Variants in ETV6 observed in about 807,000 individuals in gnomAD.
ETV6 encodes the protein ETS variant transcription factor 6.
A neutral mutation model predicts 51.1 loss-of-function variants in ETV6; 16 were observed. The ratio of observed to expected loss-of-function variants is 0.31; its 90% CI spans 0.21 to 0.48. The LOEUF is 0.48. Ranked by LOEUF, ETV6 falls within the 20% of genes least tolerant of loss-of-function variation. The probability of loss-of-function intolerance (pLI) is 0.99; values close to 1 mark genes in which losing one functional copy is unlikely to be tolerated. For missense variants in ETV6, 458 were observed against 594.8 expected, an observed-to-expected ratio of 0.77 and a Z score of 2.39; for synonymous variants, 240 against 224.1, an observed-to-expected ratio of 1.07 and a Z score of -0.64.
At position 11,752,457 on chromosome 12, in the gene ETV6, G is replaced by T. The variant is rs781494988; in HGVS notation, c.41G>T (p.Arg14Leu). The change falls in exon 2 of 8, where the codon CGA becomes CTA. Residue 14 changes from arginine to leucine, a missense_variant. Coordinates refer to ENST00000396373, the MANE Select transcript of ETV6 (RefSeq NM_001987.5). ...TGCCCTTATTTTTAACAGCAGGAAC[G>T]AATTTCATATACACCTCCAGAGAGC... is the stretch of plus-strand genomic sequence containing the variant. The part of the protein sequence containing the change: ...TPAQCSIKQE[R>L]ISYTPPESPV... 1 of 1,609,808 alleles carries T rather than the reference G, an allele frequency of 6.2e-7. No homozygotes were observed.
intron 1 of ETV6, among the ~76,000 whole-genome samples, chr12:11,669,356 G>GTCGTCCCT (rs1864260346): frequency 8.5e-6 from 1 of 116,962 alleles, no homozygotes; most frequent in Non-Finnish European, 1.6e-5. Context: ...CCGTCCTCCT[G>GTCGTCCCT]TCCTCCCTTC....
intron 1 of ETV6, among the ~76,000 whole-genome samples, chr12:11,663,443 T>TGTGGC (rs1864136740): frequency 6.6e-6 from 1 of 152,244 alleles, no homozygotes; most frequent in Non-Finnish European, 1.5e-5. Flanking sequence ...TGTTTGCATA[T>TGTGGC]ATGCCACATG....
At chr12:11,834,017 G>A (rs992013757) in intron 2 of ETV6, among the ~76,000 whole-genome samples, 24 of 152,306 alleles carry the variant, frequency 1.6e-4, no homozygotes, top group Admixed American at 4.6e-4. Flanking sequence ...AAAAATGCTA[G>A]TCCTGTTCCT....
rs547786286 is a variant in ETV6 at position 11,883,276 on chromosome 12, C to CTTTTTTTTTTTTTTTT, written c.1010-1149_1010-1134dup. ...GGGAAGGTGTACATCATGTCTTCTTCTTTTTTTTTTTTTTTTTTTTTTTTT... is the reference window on the plus strand; with the variant it reads ...GGGAAGGTGTACATCATGTCTTCTTCTTTTTTTTTTTTTTTTTTTTTTTTTTTTTTTTTTTTTTTTT... On this transcript the variant is annotated intron_variant, in intron 5 of 7. Transcript: ENST00000396373. Among the ~76,000 whole-genome samples, 5 of 79,114 alleles carry CTTTTTTTTTTTTTTTT rather than the reference C, an allele frequency of 6.3e-5. 1 individual carries two copies. In the East Asian group the frequency reaches 1.2e-3, roughly 18 times the overall value. 51.9% of individuals were successfully genotyped at this position (79,114 alleles called of 152,430 possible). A position where few individuals can be genotyped will look rare whatever the true frequency, so the allele number is the denominator to read the frequency against.
At position 11,891,406 on chromosome 12, in the gene ETV6, G is replaced by A. The variant is rs904366744; in HGVS notation, c.*360G>A. ...AGAACCTGCAGTTTGACTCTTCATC[G>A]TTCATCTAGGGGAAGACATCTGATG... On this transcript the variant is annotated 3_prime_UTR_variant, in exon 8 of 8. Transcript: ENST00000396373. The A allele has an allele frequency of 2.6e-5, 9 of 339,672 alleles. No individual in the cohort carries two copies. Among genetic ancestry groups the A allele is most frequent in the African/African-American group, 6.3e-5 (3 of 47,246 alleles). The allele number at this position is 339,672 out of a possible 1,614,324, so 21.0% of individuals were successfully genotyped here. A position where few individuals can be genotyped will look rare whatever the true frequency, so the allele number is the denominator to read the frequency against.
chr12:11,826,738 T>C (rs1946158594), intron 2 of ETV6, among the ~76,000 whole-genome samples: 1 of 152,166 alleles, frequency 6.6e-6, no homozygotes, highest in African/African-American at 2.4e-5. Context: ...AAAAGTGTTC[T>C]GCAGCAAGGG....
intron 2 of ETV6, among the ~76,000 whole-genome samples, chr12:11,819,739 C>G (rs1437814167): frequency 6.6e-6 from 1 of 152,214 alleles, no homozygotes; most frequent in Non-Finnish European, 1.5e-5. Context: ...GTATCTTCAG[C>G]CCATCCTTTC....
chr12:11,868,064 AT>A (rs1440222116), intron 4 of ETV6, among the ~76,000 whole-genome samples: 2 of 152,184 alleles, frequency 1.3e-5, no homozygotes. Flanking sequence ...AGAGGTGTCC[AT>A]CCATCCTGCT....
At chr12:11,745,081 G>A (rs1865883390) in intron 1 of ETV6, among the ~76,000 whole-genome samples, 1 of 152,164 alleles carries the variant, frequency 6.6e-6, no homozygotes, top group Non-Finnish European at 1.5e-5. Context: ...ATTATATTCA[G>A]TAGAACCCTA....
intron 1 of ETV6, among the ~76,000 whole-genome samples, chr12:11,701,808 G>A (rs769754118): frequency 6.6e-5 from 10 of 152,148 alleles, no homozygotes; most frequent in East Asian, 3.9e-4. Context: ...GCTCAGGACC[G>A]TGAGGGAGAG....
chr12:11,810,306 C>G (rs1372859927), intron 2 of ETV6, among the ~76,000 whole-genome samples: 1 of 152,134 alleles, frequency 6.6e-6, no homozygotes, highest in African/African-American at 2.4e-5. Context: ...AACTTGAGAG[C>G]TCGTGTAGAA....
At chr12:11,760,922 ATGTG>A (rs200668135) in intron 2 of ETV6, among the ~76,000 whole-genome samples, 1 of 119,378 alleles carries the variant, frequency 8.4e-6, no homozygotes, top group African/African-American at 2.5e-5. Context: ...ATAAAAGTAT[ATGTG>A]TGTGTGTGTA....
chr12:11,678,636 G>T (rs375302753), intron 1 of ETV6, among the ~76,000 whole-genome samples: 2 of 152,144 alleles, frequency 1.3e-5, no homozygotes, highest in East Asian at 3.8e-4. Context: ...ACCACAAGGA[G>T]ATAATGTATT....
intron 3 of ETV6, among the ~76,000 whole-genome samples, chr12:11,844,133 G>C (rs1167373463): frequency 6.6e-6 from 1 of 151,984 alleles, no homozygotes; most frequent in Non-Finnish European, 1.5e-5. Flanking sequence ...CAGACAGGTT[G>C]GCATTTATAT....
intron 2 of ETV6, among the ~76,000 whole-genome samples, chr12:11,800,931 A>G (rs530537355): frequency 3.3e-5 from 5 of 152,332 alleles, no homozygotes; most frequent in African/African-American, 1.2e-4. Flanking sequence ...AACAAGAATT[A>G]AAAAGCAAGA....
chr12:11,778,939 G>A (rs1945373843), intron 2 of ETV6, among the ~76,000 whole-genome samples: 1 of 152,188 alleles, frequency 6.6e-6, no homozygotes, highest in Non-Finnish European at 1.5e-5. Context: ...CTGTCAAACT[G>A]TCAGACTTGG....
At chr12:11,786,887 C>G (rs1376647018) in intron 2 of ETV6, among the ~76,000 whole-genome samples, 1 of 152,178 alleles carries the variant, frequency 6.6e-6, no homozygotes, top group Non-Finnish European at 1.5e-5. Context: ...ATGACCCACT[C>G]CCTATTTAAA....
At chr12:11,849,063 T>C (rs1946508081) in intron 3 of ETV6, among the ~76,000 whole-genome samples, 1 of 152,208 alleles carries the variant, frequency 6.6e-6, no homozygotes, top group Admixed American at 6.5e-5. Flanking sequence ...GGCAAATAAA[T>C]ATAACATTTT....
At chr12:11,812,853 A>G (rs1945934412) in intron 2 of ETV6, among the ~76,000 whole-genome samples, 1 of 152,220 alleles carries the variant, frequency 6.6e-6, no homozygotes, top group Non-Finnish European at 1.5e-5. Context: ...CACAAGGGGA[A>G]ATAGAAATCA....
Sources: allele counts gnomAD v4.1 joint callset (sites outside exome capture counted in the v4.1 genomes callset), GRCh38; gene constraint gnomAD v4.1.1; transcripts MANE v1.5; gene names NCBI Gene and HGNC (gene_info 2026-07-23, HGNC 2026-07-21).